The following POFUT3 variants were observed in gnomAD, a reference collection of about 807,000 sequenced individuals.
The protein encoded by POFUT3 is GDP-fucose protein O-fucosyltransferase 3.
the POFUT3 span, among the ~76,000 whole-genome samples, chr8:33,450,922 C>T: frequency 6.6e-6 from 1 of 152,072 alleles, no homozygotes; most frequent in Non-Finnish European, 1.5e-5. Flanking sequence ...CATTTACGTT[C>T]CCACTTCAGT....
At chr8:33,461,708 G>A in the POFUT3 span, 4 of 1,398,056 alleles carry the variant, frequency 2.9e-6, no homozygotes, top group African/African-American at 1.4e-5. Flanking sequence ...CTCCAAATAA[G>A]AAGGAATCAA....
At chr8:33,428,599 G>C in the POFUT3 span, among the ~76,000 whole-genome samples, 1 of 152,200 alleles carries the variant, frequency 6.6e-6, no homozygotes, top group African/African-American at 2.4e-5. Context: ...AAACATATTT[G>C]CTATGGTTTG....
chr8:33,472,117 A>T, the POFUT3 span, among the ~76,000 whole-genome samples: 2 of 152,212 alleles, frequency 1.3e-5, no homozygotes, highest in Non-Finnish European at 2.9e-5. Context: ...TGGGTGTCTC[A>T]TTGGAAAGAA....
the POFUT3 span, among the ~76,000 whole-genome samples, chr8:33,469,811 T>TG: frequency 2.1e-5 from 3 of 141,942 alleles, no homozygotes; most frequent in African/African-American, 7.8e-5. Context: ...TTCTTTTTTT[T>TG]TTTTTTTTTT....
At chr8:33,357,366 A>G in the POFUT3 span, among the ~76,000 whole-genome samples, 1 of 152,020 alleles carries the variant, frequency 6.6e-6, no homozygotes, top group Non-Finnish European at 1.5e-5. Flanking sequence ...TTTTCTAACT[A>G]TTCTAATAAA....
the POFUT3 span, among the ~76,000 whole-genome samples, chr8:33,462,673 T>C: frequency 6.6e-6 from 1 of 152,164 alleles, no homozygotes; most frequent in South Asian, 2.1e-4. Context: ...CTCATACCTT[T>C]AATCACAGCA....
chr8:33,312,033 G>A, the POFUT3 span, among the ~76,000 whole-genome samples: 8 of 152,092 alleles, frequency 5.3e-5, no homozygotes, highest in Admixed American at 1.3e-4. Context: ...AGGCCAAAGC[G>A]GGCAGATCAC....
the POFUT3 span, among the ~76,000 whole-genome samples, chr8:33,403,818 C>T: frequency 6.6e-6 from 1 of 152,178 alleles, no homozygotes; most frequent in Non-Finnish European, 1.5e-5. Flanking sequence ...AACACCCTAT[C>T]CTGTAGAGAC....
At chr8:33,348,170 C>CA in the POFUT3 span, among the ~76,000 whole-genome samples, 5,963 of 94,796 alleles carry the variant, frequency 0.063, 184 homozygotes, top group East Asian at 0.16. Flanking sequence ...GACTCTGCCT[C>CA]AAAAAAAAAA....
At chr8:33,414,771 C>A in the POFUT3 span, among the ~76,000 whole-genome samples, 1 of 152,074 alleles carries the variant, frequency 6.6e-6, no homozygotes, top group Non-Finnish European at 1.5e-5. Context: ...TTCCAAACAA[C>A]ACACTGCCTT....
the POFUT3 span, among the ~76,000 whole-genome samples, chr8:33,330,375 C>T: frequency 2.0e-5 from 3 of 152,024 alleles, no homozygotes; most frequent in Non-Finnish European, 4.4e-5. Flanking sequence ...ACTCAGGAGG[C>T]GGAGTTTGCA....
At chr8:33,351,711 C>T in the POFUT3 span, among the ~76,000 whole-genome samples, 1 of 151,646 alleles carries the variant, frequency 6.6e-6, no homozygotes, top group African/African-American at 2.4e-5. Flanking sequence ...TGTAGCAACA[C>T]AAAAGGACTA....
chr8:33,329,279 G>T, the POFUT3 span, among the ~76,000 whole-genome samples: 2 of 152,160 alleles, frequency 1.3e-5, no homozygotes, highest in Admixed American at 1.3e-4. Flanking sequence ...TATTGATTGG[G>T]CATACTTATC....
At chr8:33,423,036 T>A in the POFUT3 span, among the ~76,000 whole-genome samples, 1 of 152,122 alleles carries the variant, frequency 6.6e-6, no homozygotes, top group Non-Finnish European at 1.5e-5. Flanking sequence ...AGGCTGGTCT[T>A]GAACTCCTGG....
chr8:33,330,373 G>A, the POFUT3 span, among the ~76,000 whole-genome samples: 4 of 152,254 alleles, frequency 2.6e-5, no homozygotes, highest in South Asian at 8.3e-4. Context: ...GAACTCAGGA[G>A]GCGGAGTTTG....
At chr8:33,441,663 G>C in the POFUT3 span, among the ~76,000 whole-genome samples, 1 of 151,784 alleles carries the variant, frequency 6.6e-6, no homozygotes, top group Non-Finnish European at 1.5e-5. Context: ...TTACAGGCAC[G>C]AGCCACTGCA....
chr8:33,444,948 T>G, the POFUT3 span, among the ~76,000 whole-genome samples: 1 of 150,032 alleles, frequency 6.7e-6, no homozygotes, highest in African/African-American at 2.5e-5. Context: ...TTTTTTTTTT[T>G]TTTGAGATAG....
chr8:33,319,211 A>G, the POFUT3 span, among the ~76,000 whole-genome samples: 1 of 92,178 alleles, frequency 1.1e-5, no homozygotes, highest in African/African-American at 4.8e-5. Context: ...TACATAATAT[A>G]TAAATATATT....
At chr8:33,417,075 G>A in the POFUT3 span, among the ~76,000 whole-genome samples, 5 of 152,220 alleles carry the variant, frequency 3.3e-5, no homozygotes, top group East Asian at 1.9e-4. Flanking sequence ...ACTCCCCAGC[G>A]CTGGCATTAC....
Sources: allele counts gnomAD v4.1 joint callset (sites outside exome capture counted in the v4.1 genomes callset), GRCh38; gene constraint gnomAD v4.1.1; transcripts MANE v1.5; gene names NCBI Gene and HGNC (gene_info 2026-07-23, HGNC 2026-07-21).